The following TOX variants were observed in gnomAD, a reference collection of about 807,000 sequenced individuals.
TOX encodes the protein thymocyte selection-associated high mobility group box protein TOX.
Under a neutral mutation model 53.7 loss-of-function variants are expected in TOX, and 11 were observed. The observed-to-expected ratio is 0.20, with a 90% CI of 0.13 to 0.34. The LOEUF (loss-of-function observed/expected upper bound fraction) is 0.34, where lower values mean the gene tolerates loss of function less well. Ranked by LOEUF, TOX falls within the 10% of genes least tolerant of loss-of-function variation. The pLI, the probability that TOX is intolerant of heterozygous loss-of-function variation, is 1.00. For missense variants in TOX, 570 were observed against 664.6 expected, an observed-to-expected ratio of 0.86 and a Z score of 1.56; for synonymous variants, 225 against 245.3, an observed-to-expected ratio of 0.92 and a Z score of 0.77.
intron 4 of TOX, among the ~76,000 whole-genome samples, chr8:58,839,033 C>T (rs1473750982): frequency 3.3e-5 from 5 of 152,114 alleles, no homozygotes; most frequent in African/African-American, 7.2e-5. Context: ...TTTAAAACCT[C>T]GGGGGCAGCA....
intron 1 of TOX, among the ~76,000 whole-genome samples, chr8:58,994,948 A>G (rs375087635): frequency 2.6e-5 from 4 of 152,168 alleles, no homozygotes; most frequent in African/African-American, 9.6e-5. Context: ...CCTTCCTTCC[A>G]TGTATCATCC....
At chr8:58,838,673 T>C (rs1810590129) in intron 4 of TOX, among the ~76,000 whole-genome samples, 2 of 151,454 alleles carry the variant, frequency 1.3e-5, no homozygotes, top group Non-Finnish European at 2.9e-5. Flanking sequence ...ATCTAACTTG[T>C]TTTCTTCTAA....
At chr8:58,902,602 T>C (rs1363769992) in intron 3 of TOX, among the ~76,000 whole-genome samples, 1 of 152,202 alleles carries the variant, frequency 6.6e-6, no homozygotes, top group Non-Finnish European at 1.5e-5. Context: ...ATAATAAAGA[T>C]GAATCTTATA....
At chr8:59,021,475 A>AT (rs1479000546) in intron 1 of TOX, among the ~76,000 whole-genome samples, 3 of 67,098 alleles carry the variant, frequency 4.5e-5, no homozygotes, top group African/African-American at 1.3e-4. Flanking sequence ...AAAAAAAAAA[A>AT]AAAAAAATAT....
chr8:59,086,645 G>A (rs1163256435), intron 1 of TOX, among the ~76,000 whole-genome samples: 1 of 152,180 alleles, frequency 6.6e-6, no homozygotes, highest in African/African-American at 2.4e-5. Flanking sequence ...CAAAAACATT[G>A]TGATACTAAA....
chr8:59,096,898 ACTT>A (rs1240364206), intron 1 of TOX, among the ~76,000 whole-genome samples: 1 of 152,136 alleles, frequency 6.6e-6, no homozygotes, highest in African/African-American at 2.4e-5. Context: ...TTGGGTAGAG[ACTT>A]CTTCATCTGG....
chr8:59,066,007 T>A (rs770233696), intron 1 of TOX, among the ~76,000 whole-genome samples: 1 of 152,122 alleles, frequency 6.6e-6, no homozygotes, highest in East Asian at 1.9e-4. Flanking sequence ...ACAAAAGATG[T>A]CCAAATTGGT....
intron 1 of TOX, among the ~76,000 whole-genome samples, chr8:58,989,356 A>G (rs1195666788): frequency 6.6e-6 from 1 of 152,024 alleles, no homozygotes. Context: ...TCTTTTAGCT[A>G]TGTTTAGTGC....
intron 1 of TOX, among the ~76,000 whole-genome samples, chr8:59,014,712 GTATT>G (rs574537268): frequency 6.6e-5 from 10 of 152,236 alleles, no homozygotes; most frequent in African/African-American, 2.4e-4. Flanking sequence ...TTCCACTACT[GTATT>G]TATTTTTAGC....
At position 59,072,781 on chromosome 8, in the gene TOX, T is replaced by A. The variant is rs192326624; in HGVS notation, c.102+46105A>T. Among the ~76,000 whole-genome samples, 6 of 152,336 alleles carry A rather than the reference T, an allele frequency of 3.9e-5. No individual in the cohort carries two copies. The East Asian group carries it at 9.6e-4, about 24-fold the overall frequency. The stretch of plus-strand genomic sequence containing the variant: ...ATTTCAACTATCATAAGTTTAATAA[T>A]ACTTTTAAGTAAAACAAAAACCTAT... On this transcript the variant is annotated intron_variant, in intron 1 of 8. Coordinates refer to ENST00000361421, the MANE Select transcript of TOX (RefSeq NM_014729.3).
At chr8:58,906,866 T>C (rs1264855524) in intron 3 of TOX, among the ~76,000 whole-genome samples, 1 of 152,216 alleles carries the variant, frequency 6.6e-6, no homozygotes, top group Non-Finnish European at 1.5e-5. Context: ...TTTGCTTATG[T>C]CCCTCTCTCT....
intron 1 of TOX, among the ~76,000 whole-genome samples, chr8:59,065,340 T>C (rs912643010): frequency 2.0e-5 from 3 of 152,190 alleles, no homozygotes; most frequent in African/African-American, 7.2e-5. Context: ...CTAATTTGGA[T>C]TACAATTGCA....
chr8:58,867,450 G>C (rs571941151), intron 3 of TOX, among the ~76,000 whole-genome samples: 2 of 152,162 alleles, frequency 1.3e-5, no homozygotes, highest in African/African-American at 4.8e-5. Context: ...GATGAATAAG[G>C]CTCTACGTTT....
chr8:58,964,174 A>AT (rs1585928215), intron 1 of TOX, among the ~76,000 whole-genome samples: 2 of 152,212 alleles, frequency 1.3e-5, no homozygotes, highest in East Asian at 1.9e-4. Flanking sequence ...CTTCCTCAGG[A>AT]TTTTTATTTA....
chr8:58,943,696 CA>C (rs1400565253), intron 2 of TOX, among the ~76,000 whole-genome samples: 1 of 151,112 alleles, frequency 6.6e-6, no homozygotes, highest in Non-Finnish European at 1.5e-5. Flanking sequence ...GTCTGGGTTC[CA>C]GTCTAGAATG....
intron 3 of TOX, among the ~76,000 whole-genome samples, chr8:58,878,190 G>C (rs1411040074): frequency 6.7e-6 from 1 of 148,856 alleles, no homozygotes; most frequent in Non-Finnish European, 1.5e-5. Flanking sequence ...ATGACTCAAA[G>C]TTAGGTGGTA....
intron 8 of TOX, 76 bp downstream of exon 8, chr8:58,808,040 CAA>C (rs1251132235): frequency 2.0e-6 from 3 of 1,527,890 alleles, no homozygotes; most frequent in Admixed American, 2.1e-5. Flanking sequence ...TTTTTGGAAA[CAA>C]GAGAACGATC....
At chr8:58,873,302 A>T (rs926989354) in intron 3 of TOX, among the ~76,000 whole-genome samples, 2 of 152,178 alleles carry the variant, frequency 1.3e-5, no homozygotes, top group Non-Finnish European at 2.9e-5. Context: ...ACTTTAAAAG[A>T]TTATGAAAAA....
intron 3 of TOX, among the ~76,000 whole-genome samples, chr8:58,931,246 G>GA (rs1812248560): frequency 6.6e-6 from 1 of 151,376 alleles, no homozygotes; most frequent in Non-Finnish European, 1.5e-5. Context: ...AGAATAATTA[G>GA]AAAAAATCAG....
Sources: gnomAD v4.1 joint callset for allele counts (sites outside exome capture counted in the v4.1 genomes callset) on GRCh38, gnomAD v4.1.1 for gene constraint, MANE v1.5 for transcripts, NCBI Gene and HGNC (gene_info 2026-07-23, HGNC 2026-07-21) for gene names.